SLC28A1: variants seen among roughly 807,000 people sequenced by gnomAD.
SLC28A1 encodes the protein sodium/nucleoside cotransporter 1.
Under a neutral mutation model 74.8 loss-of-function variants are expected in SLC28A1, and 64 were observed. The ratio of observed to expected loss-of-function variants is 0.86; its 90% CI spans 0.70 to 1.05. SLC28A1 has a LOEUF of 1.05. Ranked by LOEUF, SLC28A1 falls within the 50% of genes least tolerant of loss-of-function variation. SLC28A1 has a pLI of 0.00. For missense variants in SLC28A1, 828 were observed against 822.8 expected, an observed-to-expected ratio of 1.01 and a Z score of -0.08; for synonymous variants, 359 against 335.0, an observed-to-expected ratio of 1.07 and a Z score of -0.78.
In SLC28A1 at chr15:84,884,737, C is replaced by T. The variant is rs535201714; in HGVS notation, c.-147C>T. ...TGTGTTCCTGGCTTCCCTCTGGATGCTGACAGAAACAAGGGTGAGAGAAAA... is the reference window on the plus strand; with the variant it reads ...TGTGTTCCTGGCTTCCCTCTGGATGTTGACAGAAACAAGGGTGAGAGAAAA... On this transcript the variant is annotated 5_prime_UTR_variant, in exon 1 of 19. Transcript: ENST00000394573. The T allele has an allele frequency of 5.1e-6, 5 of 985,552 alleles. No homozygotes were observed. The African/African-American group carries it at 8.7e-5, about 17-fold the overall frequency. 61.1% of individuals were successfully genotyped at this position (985,552 alleles called of 1,614,324 possible). A position where few individuals can be genotyped will look rare whatever the true frequency, so the allele number is the denominator to read the frequency against.
At chr15:84,968,989 G>A in the SLC28A1 span, among the ~76,000 whole-genome samples, 2 of 152,156 alleles carry the variant, frequency 1.3e-5, no homozygotes, top group Non-Finnish European at 1.5e-5. Context: ...ACCTGACCTG[G>A]TCTTCTAGGA....
intron 15 of SLC28A1, 30 bp downstream of exon 15, chr15:84,935,548 G>C: frequency 2.5e-6 from 4 of 1,591,224 alleles, no homozygotes; most frequent in Non-Finnish European, 3.4e-6. Context: ...CCCTGCAGCA[G>C]GGGGATGACA....
chr15:84,949,966 T>C (rs1018430850), downstream of SLC28A1, among the ~76,000 whole-genome samples: 3 of 152,122 alleles, frequency 2.0e-5, no homozygotes, highest in Admixed American at 6.5e-5. Flanking sequence ...TGCTTTCCAT[T>C]TCCTGAGTGA....
intron 15 of SLC28A1, among the ~76,000 whole-genome samples, chr15:84,937,858 C>T (rs1054722131): frequency 1.3e-5 from 2 of 151,682 alleles, no homozygotes; most frequent in South Asian, 2.1e-4. Context: ...GATTGTGCCA[C>T]TGCACTCCAG....
intron 9 of SLC28A1, among the ~76,000 whole-genome samples, chr15:84,910,283 T>A (rs544062494): frequency 6.6e-6 from 1 of 152,334 alleles, no homozygotes; most frequent in East Asian, 1.9e-4. Flanking sequence ...TAATACCATA[T>A]TCCTTTAGGG....
chr15:84,885,731 C>CA lies in SLC28A1; in HGVS notation c.-132-924dup, dbSNP rs34688568. Among the ~76,000 whole-genome samples, 375 of 104,324 alleles carry CA rather than the reference C, an allele frequency of 3.6e-3. 12 individuals carry two copies. Among genetic ancestry groups the CA allele is most frequent in the South Asian group, 0.028 (80 of 2,888 alleles). 68.4% of individuals were successfully genotyped at this position (104,324 alleles called of 152,430 possible). ...GGGCAACAAGAGTGAAACTCCGTCT[C>CA]AAAAAAAAAAAAAAAAAGGAGGAAA... is the stretch of plus-strand genomic sequence containing the variant. On this transcript the variant is annotated intron_variant, in intron 1 of 18. Transcript: ENST00000394573.
intron 9 of SLC28A1, among the ~76,000 whole-genome samples, chr15:84,911,872 AAAAAAG>A (rs1471461002): frequency 8.7e-5 from 13 of 149,340 alleles, no homozygotes; most frequent in East Asian, 5.9e-4. Context: ...AAAAAAAAAA[AAAAAAG>A]AAGAAGAAGA....
chr15:84,914,603 A>C (rs556811058), intron 9 of SLC28A1, among the ~76,000 whole-genome samples: 1 of 152,302 alleles, frequency 6.6e-6, no homozygotes, highest in East Asian at 1.9e-4. Context: ...CATCCACCAC[A>C]GATGCTATGA....
chr15:84,893,386 G>A (rs976875900), intron 5 of SLC28A1, among the ~76,000 whole-genome samples: 7 of 152,142 alleles, frequency 4.6e-5, no homozygotes, highest in African/African-American at 4.8e-5. Context: ...GGCTCCACCC[G>A]TGTGTCTCAA....
At chr15:84,902,144 C>T (rs781460353) in intron 6 of SLC28A1, among the ~76,000 whole-genome samples, 4 of 152,128 alleles carry the variant, frequency 2.6e-5, no homozygotes, top group Non-Finnish European at 5.9e-5. Context: ...TTTATATAAA[C>T]TTCTTTCTTT....
chr15:84,888,808 G>C lies in SLC28A1; in HGVS notation c.133G>C (p.Ala45Pro). ...GQLPRSDLSP[A>P]EIRSSWSEAA... ...GCTCCCTAGGAGTGACTTGAGCCCC[G>C]CAGAGATCAGGAGCAGCTGGAGCGA... is the stretch of plus-strand genomic sequence containing the variant. Residue 45 changes from alanine (A) to proline (P), a missense_variant, in exon 4 of 19, where the codon GCA becomes CCA. Ala to Pro is a conservative substitution (Grantham distance 27). Transcript: ENST00000394573. 1.9e-6 allele frequency: 3 copies of C among 1,554,900 alleles called. No individual in the cohort carries two copies. Among genetic ancestry groups the C allele is most frequent in the Non-Finnish European group, 1.7e-6 (2 of 1,148,910 alleles).
intron 8 of SLC28A1, among the ~76,000 whole-genome samples, chr15:84,906,795 A>G (rs1307196178): frequency 6.6e-6 from 1 of 151,802 alleles, no homozygotes; most frequent in Non-Finnish European, 1.5e-5. Context: ...CATAAAATCA[A>G]CCATTTTAAC....
At chr15:84,941,674 C>T (rs534441328) in intron 15 of SLC28A1, among the ~76,000 whole-genome samples, 5 of 152,076 alleles carry the variant, frequency 3.3e-5, no homozygotes, top group African/African-American at 7.2e-5. Context: ...ACTTGATGCC[C>T]GGAGTTTGAG....
At chr15:84,919,695 G>A (rs1356205119) in intron 10 of SLC28A1, among the ~76,000 whole-genome samples, 1 of 152,128 alleles carries the variant, frequency 6.6e-6, no homozygotes, top group Non-Finnish European at 1.5e-5. Context: ...TGCAATAACA[G>A]CATTAATCCA....
chr15:84,954,573 A>T, the SLC28A1 span, among the ~76,000 whole-genome samples: 1 of 152,198 alleles, frequency 6.6e-6, no homozygotes, highest in East Asian at 1.9e-4. Flanking sequence ...CCATTTTACC[A>T]ACAAGGCAAC....
intron 12 of SLC28A1, among the ~76,000 whole-genome samples, chr15:84,926,072 A>C (rs1970476640): frequency 6.8e-6 from 1 of 146,738 alleles, no homozygotes; most frequent in Non-Finnish European, 1.5e-5. Flanking sequence ...TTCTATATAT[A>C]ATATTTTATT....
At chr15:84,958,992 C>T in the SLC28A1 span, among the ~76,000 whole-genome samples, 6 of 147,490 alleles carry the variant, frequency 4.1e-5, no homozygotes, top group African/African-American at 1.0e-4. Flanking sequence ...CCTAGCTACT[C>T]GGGAGGCTGA....
intron 6 of SLC28A1, chr15:84,895,356 C>T: frequency 6.2e-7 from 1 of 1,613,952 alleles, no homozygotes; most frequent in African/African-American, 1.3e-5. Context: ...GAAAACTGGA[C>T]TCAACAGTTT....
downstream of SLC28A1, among the ~76,000 whole-genome samples, chr15:84,946,061 T>TATATATACATAC (rs2079193539): frequency 1.3e-5 from 1 of 75,488 alleles, no homozygotes; most frequent in Non-Finnish European, 2.7e-5. Context: ...TATACATACA[T>TATATATACATAC]ATATATATAT....
Sources: gnomAD v4.1 joint callset for allele counts (sites outside exome capture counted in the v4.1 genomes callset) on GRCh38, gnomAD v4.1.1 for gene constraint, MANE v1.5 for transcripts, NCBI Gene and HGNC (gene_info 2026-07-23, HGNC 2026-07-21) for gene names.